DIS3L: variants seen among roughly 807,000 people sequenced by gnomAD.
DIS3L encodes the protein DIS3 like exosome 3'-5' exoribonuclease, also known as DIS3-like exonuclease 1.
A neutral mutation model predicts 120.3 loss-of-function variants in DIS3L; 100 were observed. The observed-to-expected ratio is 0.83, with a 90% CI of 0.71 to 0.98. DIS3L has a LOEUF of 0.98. DIS3L is among the 50% of genes least tolerant of loss of function. The pLI is 0.00. For synonymous variants in DIS3L, 426 were observed against 470.6 expected (o/e 0.91, Z 1.23); for missense variants, 1,196 against 1,314.2 (o/e 0.91, Z 1.39).
intron 15 of DIS3L, 104 bp downstream of exon 15, chr15:66,332,124 TATC>T (rs1336908189): frequency 1.8e-5 from 20 of 1,127,334 alleles, no homozygotes; most frequent in East Asian, 2.7e-5. Context: ...AGCAACTAGT[TATC>T]ATATGTACAT....
intron 15 of DIS3L, 63 bp downstream of exon 15, chr15:66,332,083 G>T: frequency 7.0e-7 from 1 of 1,419,604 alleles, no homozygotes; most frequent in East Asian, 2.4e-5. Context: ...AACACAAACT[G>T]TACATTAGAT....
At chr15:66,317,997 C>T (rs113328307) in intron 7 of DIS3L, among the ~76,000 whole-genome samples, 6,351 of 152,168 alleles carry the variant, frequency 0.042, 321 homozygotes, top group African/African-American at 0.11. Flanking sequence ...GTTATTGAGA[C>T]GGCATCTCAC....
At chr15:66,331,463 G>A (rs1352909928) in intron 14 of DIS3L, 1 of 152,478 alleles carries the variant, frequency 6.6e-6, no homozygotes, top group Non-Finnish European at 1.5e-5. Context: ...GCTGAGGCAG[G>A]AGAATGACGT....
chr15:66,314,955 G>A (rs975427518), intron 6 of DIS3L, 81 bp from the exon 7 acceptor site: 22 of 1,434,736 alleles, frequency 1.5e-5, no homozygotes, highest in Admixed American at 7.9e-5. Flanking sequence ...ATTAGACTTC[G>A]AGTATATCAT....
At chr15:66,294,920 C>T in intron 1 of DIS3L, 68 bp from the exon 2 acceptor site, 1 of 1,452,462 alleles carries the variant, frequency 6.9e-7, no homozygotes, top group Non-Finnish European at 9.3e-7. Context: ...TGCCAGAGCA[C>T]CGTGACATTT....
intron 8 of DIS3L, among the ~76,000 whole-genome samples, chr15:66,320,055 C>T (rs2092864561): frequency 6.6e-6 from 1 of 151,610 alleles, no homozygotes; most frequent in African/African-American, 2.4e-5. Flanking sequence ...ACCCGGGAGG[C>T]ATAGGCTGCA....
intron 5 of DIS3L, among the ~76,000 whole-genome samples, chr15:66,313,064 C>T (rs576987676): frequency 2.0e-5 from 3 of 152,104 alleles, no homozygotes; most frequent in East Asian, 3.9e-4. Context: ...GGTGCAATCT[C>T]GGCTCACTGC....
In DIS3L at chr15:66,330,456, T is replaced by G. The variant is rs541073920; in HGVS notation, c.2535+1057T>G. On this transcript the variant is annotated intron_variant, in intron 14 of 16. Coordinates refer to ENST00000319212, the MANE Select transcript of DIS3L (RefSeq NM_001143688.3). ...AAGATTGCACAGCATAGAACTAGACTATTGGGTAACGCAGGAAATTGGAAA... is the reference window on the plus strand; with the variant it reads ...AAGATTGCACAGCATAGAACTAGACGATTGGGTAACGCAGGAAATTGGAAA... 4.4e-5 allele frequency: 43 copies of G among 985,462 alleles called. No individual in the cohort carries two copies. The African/African-American group carries it at 6.6e-4, about 15-fold the overall frequency. 61.0% of individuals were successfully genotyped at this position (985,462 alleles called of 1,614,324 possible).
intron 14 of DIS3L, chr15:66,330,519 G>T (rs1299205893): frequency 2.0e-6 from 2 of 985,190 alleles, no homozygotes; most frequent in East Asian, 2.3e-4. Flanking sequence ...ATATCCAATG[G>T]TATAGTTGTC....
In DIS3L at chr15:66,333,230, C is replaced by T; in HGVS notation, c.3083C>T (p.Thr1028Ile). ...GAGGAATATCAAGAATATCGCCAAACAAAGGGAAGGAGCCTATACACACTT... is the reference window on the plus strand; with the variant it reads ...GAGGAATATCAAGAATATCGCCAAATAAAGGGAAGGAGCCTATACACACTT... ...IQEEYQEYRQ[T>I]KGRSLYTLLE... The change falls in exon 17 of 17, where the codon ACA (threonine) becomes ATA (isoleucine). Residue 1028 changes from threonine to isoleucine, a missense_variant. Thr to Ile is a moderately conservative substitution (Grantham distance 89, BLOSUM62 -1). Transcript: ENST00000319212. 6.2e-7 allele frequency: 1 copy of T among 1,614,076 alleles called. No individual in the cohort carries two copies. The highest frequency in any genetic ancestry group is 1.1e-5 in the South Asian group (1 of 91,080).
intron 1 of DIS3L, chr15:66,294,301 T>G: frequency 1.0e-6 from 1 of 985,510 alleles, no homozygotes; most frequent in Non-Finnish European, 1.2e-6. Flanking sequence ...GACTGGGGAC[T>G]CCTGGGCCCC....
At chr15:66,330,117 A>C in intron 14 of DIS3L, 1 of 937,712 alleles carries the variant, frequency 1.1e-6, no homozygotes, top group South Asian at 4.9e-5. Context: ...CCGGGCTAAC[A>C]CAGTGAAACC....
chr15:66,333,196 ATCAT>A lies in DIS3L; in HGVS notation c.3053_3056del (p.Ile1018ArgfsTer19), dbSNP rs1263064684. On this transcript the variant is annotated frameshift_variant, in exon 17 of 17. Coordinates refer to ENST00000319212, the MANE Select transcript of DIS3L (RefSeq NM_001143688.3). LOFTEE classifies it high-confidence loss of function. The stretch of plus-strand genomic sequence containing the variant: ...GCTTGCCCAAGAAGTCAAAGTAAAC[ATCAT>A]TCAGGAGGAATATCAAGAATATCGC... 1 of 1,614,050 alleles carries A rather than the reference ATCAT, an allele frequency of 6.2e-7. No individual in the cohort carries two copies. Among genetic ancestry groups the A allele is most frequent in the African/African-American group, 1.3e-5 (1 of 74,936 alleles).
At chr15:66,309,329 A>G (rs992992395) in intron 4 of DIS3L, among the ~76,000 whole-genome samples, 6 of 151,576 alleles carry the variant, frequency 4.0e-5, no homozygotes, top group Non-Finnish European at 1.5e-5. Context: ...AACTTTGACT[A>G]TAAGGCCCAC....
At chr15:66,313,313 A>C (rs961779534) in intron 5 of DIS3L, among the ~76,000 whole-genome samples, 3 of 152,178 alleles carry the variant, frequency 2.0e-5, no homozygotes, top group Admixed American at 1.3e-4. Context: ...ATATTTTGAG[A>C]TAGAAGATTT....
At chr15:66,314,753 G>T (rs1421273407) in intron 6 of DIS3L, among the ~76,000 whole-genome samples, 2 of 152,174 alleles carry the variant, frequency 1.3e-5, no homozygotes, top group Non-Finnish European at 2.9e-5. Context: ...ATAGTTGCAT[G>T]CAGGGAACTA....
chr15:66,329,330 A>C lies in DIS3L; in HGVS notation c.2466A>C (p.Glu822Asp). 1 of 1,614,074 alleles carries C rather than the reference A, an allele frequency of 6.2e-7. No individual in the cohort carries two copies. The highest frequency in any genetic ancestry group is 8.5e-7 in the Non-Finnish European group (1 of 1,180,000). ...CCATTTCAAAAGATAAGAAAATGGAAATTAAGGGAAATCTGTTCAGCAACA... is the reference window on the plus strand; with the variant it reads ...CCATTTCAAAAGATAAGAAAATGGACATTAAGGGAAATCTGTTCAGCAACA... ...MAAISKDKKM[E>D]IKGNLFSNKD... The change falls in exon 14 of 17, where the codon GAA (glutamate) becomes GAC (aspartate). Residue 822 changes from glutamate (E) to aspartate (D), a missense_variant. By Grantham distance (45) the Glu-to-Asp change is conservative (BLOSUM62 2). Transcript: ENST00000319212.
intron 7 of DIS3L, 69 bp from the exon 8 acceptor site, chr15:66,318,380 G>T: frequency 6.6e-7 from 1 of 1,505,014 alleles, no homozygotes; most frequent in Non-Finnish European, 9.0e-7. Context: ...CTTACTGCTT[G>T]AGGTGGTCAG....
At chr15:66,320,495 TTG>T in intron 8 of DIS3L, 74 bp from the exon 9 acceptor site, 1 of 1,489,382 alleles carries the variant, frequency 6.7e-7, no homozygotes, top group Non-Finnish European at 9.0e-7. Context: ...TGTTTGCCTC[TTG>T]TTTGTTTGAT....
Sources: gnomAD v4.1 joint callset for allele counts (sites outside exome capture counted in the v4.1 genomes callset) on GRCh38, gnomAD v4.1.1 for gene constraint, MANE v1.5 for transcripts, NCBI Gene and HGNC (gene_info 2026-07-23, HGNC 2026-07-21) for gene names.